The following EPB41L4B variants were observed in gnomAD, a reference collection of about 807,000 sequenced individuals.
The protein encoded by EPB41L4B is erythrocyte membrane protein band 4.1 like 4B, also known as band 4.1-like protein 4B.
In EPB41L4B, 30 loss-of-function variants were observed where a neutral mutation model predicts 112.5. The observed-to-expected ratio is 0.27, with a 90% CI of 0.20 to 0.36. The LOEUF (loss-of-function observed/expected upper bound fraction) is 0.36. Among genes scored for constraint, EPB41L4B ranks in the 10% least tolerant of loss-of-function variants. EPB41L4B has a pLI of 1.00. For synonymous variants in EPB41L4B, 408 were observed against 439.7 expected, an observed-to-expected ratio of 0.93 and a Z score of 0.90; for missense variants, 1,024 against 1,133.3, an observed-to-expected ratio of 0.90 and a Z score of 1.38.
At chr9:109,201,540 G>T (rs376689774) in intron 19 of EPB41L4B, among the ~76,000 whole-genome samples, 6 of 152,178 alleles carry the variant, frequency 3.9e-5, no homozygotes, top group East Asian at 1.9e-4. Flanking sequence ...TATACTCATG[G>T]TTTCCTCAAG....
chr9:109,178,021 G>A (rs1162841970), intron 24 of EPB41L4B, among the ~76,000 whole-genome samples: 1 of 151,488 alleles, frequency 6.6e-6, no homozygotes, highest in Non-Finnish European at 1.5e-5. Context: ...CTGGGCTCAG[G>A]TGATCCTTCT....
At chr9:109,251,958 A>G (rs1367960000) in intron 12 of EPB41L4B, among the ~76,000 whole-genome samples, 1 of 152,224 alleles carries the variant, frequency 6.6e-6, no homozygotes, top group African/African-American at 2.4e-5. Flanking sequence ...AGCCGCTTAC[A>G]CTCCATTTTG....
intron 15 of EPB41L4B, chr9:109,240,888 T>C: frequency 1.0e-6 from 1 of 985,470 alleles, no homozygotes. Flanking sequence ...ATTATTCCCA[T>C]ACTTGAGCAG....
At chr9:109,267,646 T>C in intron 3 of EPB41L4B, 95 bp from the exon 4 acceptor site, 1 of 814,952 alleles carries the variant, frequency 1.2e-6, no homozygotes, top group South Asian at 1.5e-5. Context: ...ATCTATAACA[T>C]TTAGCACAAC....
At chr9:109,292,305 A>C (rs1044286067) in intron 1 of EPB41L4B, among the ~76,000 whole-genome samples, 2 of 152,224 alleles carry the variant, frequency 1.3e-5, no homozygotes, top group Non-Finnish European at 2.9e-5. Context: ...TTCTGGTCAC[A>C]ATACTAGCAG....
At chr9:109,196,213 C>T (rs557935454) in intron 20 of EPB41L4B, 7 of 151,164 alleles carry the variant, frequency 4.6e-5, no homozygotes, top group Non-Finnish European at 8.8e-5. Context: ...AAATATGAAA[C>T]GCTTCACAAA....
At position 109,320,222 on chromosome 9, in the gene EPB41L4B, G is replaced by C. The variant is rs1837811336; in HGVS notation, c.225C>G (p.Ile75Met). Residue 75 changes from isoleucine (I) to methionine (M), a missense_variant, in exon 1 of 26, where the codon ATC becomes ATG. Physicochemically the swap from Ile to Met is conservative, Grantham distance 10 (BLOSUM62 1). Transcript: ENST00000374566. The part of the protein sequence containing the change: ...PLLTGGAAVH[I>M]SAAGAAKATL... ...TGGCCTTGGCGGCGCCGGCGGCGGAGATGTGCACGGCCGCGCCGCCGGTGA... is the reference window on the plus strand; with the variant it reads ...TGGCCTTGGCGGCGCCGGCGGCGGACATGTGCACGGCCGCGCCGCCGGTGA... The C allele has an allele frequency of 1.4e-6, 2 of 1,401,884 alleles. No homozygotes were observed. Among genetic ancestry groups the C allele is most frequent in the African/African-American group, 1.5e-5 (1 of 66,708 alleles). 86.8% of individuals were successfully genotyped at this position (1,401,884 alleles called of 1,614,324 possible). A position where few individuals can be genotyped will look rare whatever the true frequency, so the allele number is the denominator to read the frequency against.
At chr9:109,307,241 A>G in intron 1 of EPB41L4B, 1 of 493,430 alleles carries the variant, frequency 2.0e-6, no homozygotes, top group Non-Finnish European at 4.0e-6. Flanking sequence ...TTTTTTTTCC[A>G]GGAGCGTCTT....
chr9:109,303,409 G>A (rs999007553), intron 1 of EPB41L4B, among the ~76,000 whole-genome samples: 9 of 152,188 alleles, frequency 5.9e-5, no homozygotes, highest in Non-Finnish European at 1.2e-4. Context: ...GCAGTGGCGC[G>A]ATCTCGACTC....
chr9:109,174,583 T>C lies in EPB41L4B; in HGVS notation c.2674A>G (p.Met892Val). The C allele has an allele frequency of 6.2e-7, 1 of 1,614,110 alleles. No homozygotes were observed. Among genetic ancestry groups the C allele is most frequent in the Non-Finnish European group, 8.5e-7 (1 of 1,179,992 alleles). ...AGTTCGGTCATCAACAGTCTTTTCA[T>C]CATCTTCTCTCTCTCCAGTTCCTGC... ...LRQELEREKM[M>V]KRLLMTEL The change falls in exon 26 of 26, where the codon ATG becomes GTG. Residue 892 changes from methionine (M) to valine (V), a missense_variant. Physicochemically the swap from Met to Val is conservative, Grantham distance 21. Transcript: ENST00000374566.
chr9:109,258,219 T>G lies in EPB41L4B; in HGVS notation c.710A>C (p.Glu237Ala). 1 of 1,614,064 alleles carries G rather than the reference T, an allele frequency of 6.2e-7. No homozygotes were observed. Among genetic ancestry groups the G allele is most frequent in the Non-Finnish European group, 8.5e-7 (1 of 1,179,896 alleles). Reference protein sequence around the residue: ...SEFRFIPNQTEAMEFDIFQRW... With the variant: ...SEFRFIPNQTAAMEFDIFQRW... ...CTGGAAGATATCAAATTCCATTGCT[T>G]CTGTCTGATTTGGAATGAACCGAAA... The change falls in exon 7 of 26, where the codon GAA becomes GCA. Residue 237 changes from glutamate to alanine, a missense_variant. Physicochemically the swap from Glu to Ala is moderately radical, Grantham distance 107 (BLOSUM62 -1). Transcript: ENST00000374566.
At chr9:109,209,760 C>T (rs1335125072) in intron 17 of EPB41L4B, among the ~76,000 whole-genome samples, 1 of 152,170 alleles carries the variant, frequency 6.6e-6, no homozygotes, top group African/African-American at 2.4e-5. Flanking sequence ...GCATGTCTCA[C>T]CAAGTCCCCT....
chr9:109,318,269 GA>G (rs752596202), intron 1 of EPB41L4B, among the ~76,000 whole-genome samples: 1 of 152,116 alleles, frequency 6.6e-6, no homozygotes, highest in Non-Finnish European at 1.5e-5. Context: ...TGGGACAGGG[GA>G]ATTCTTTTGT....
chr9:109,250,015 G>A (rs1300900933), intron 13 of EPB41L4B, among the ~76,000 whole-genome samples: 2 of 152,156 alleles, frequency 1.3e-5, no homozygotes, highest in African/African-American at 2.4e-5. Context: ...CTGGAGCTAC[G>A]GGGTGGGAGG....
intron 1 of EPB41L4B, among the ~76,000 whole-genome samples, chr9:109,314,174 G>A (rs1454396533): frequency 2.0e-5 from 3 of 152,160 alleles, no homozygotes; most frequent in African/African-American, 7.2e-5. Context: ...GCCCGGGGAG[G>A]AGCCCACTCC....
intron 24 of EPB41L4B, among the ~76,000 whole-genome samples, chr9:109,177,375 C>A (rs1831880559): frequency 6.6e-6 from 1 of 152,166 alleles, no homozygotes; most frequent in South Asian, 2.1e-4. Context: ...AACAAGACCT[C>A]CAGGTGATTC....
chr9:109,190,661 G>A (rs538865752), intron 22 of EPB41L4B, among the ~76,000 whole-genome samples: 2 of 152,346 alleles, frequency 1.3e-5, no homozygotes, highest in South Asian at 4.1e-4. Flanking sequence ...ACACATCCTG[G>A]ATTGGGCCAT....
intron 1 of EPB41L4B, among the ~76,000 whole-genome samples, chr9:109,283,410 C>T (rs992696418): frequency 6.6e-5 from 10 of 152,160 alleles, no homozygotes; most frequent in Non-Finnish European, 1.3e-4. Flanking sequence ...TTTCCTTCCT[C>T]GACATACTCC....
chr9:109,304,539 A>G (rs1275861961), intron 1 of EPB41L4B, among the ~76,000 whole-genome samples: 2 of 152,112 alleles, frequency 1.3e-5, no homozygotes, highest in Non-Finnish European at 2.9e-5. Flanking sequence ...TGCCCTTCTA[A>G]AGGTCAAAGT....
Sources: gnomAD v4.1 joint callset for allele counts (sites outside exome capture counted in the v4.1 genomes callset) on GRCh38, gnomAD v4.1.1 for gene constraint, MANE v1.5 for transcripts, NCBI Gene and HGNC (gene_info 2026-07-23, HGNC 2026-07-21) for gene names.